The following GRID2 variants were observed in gnomAD, a reference collection of about 807,000 sequenced individuals.
GRID2 encodes the protein glutamate ionotropic receptor delta type subunit 2.
A neutral mutation model predicts 114.8 loss-of-function variants in GRID2; 33 were observed. The observed-to-expected ratio is 0.29, with a 90% CI of 0.22 to 0.38. The LOEUF (loss-of-function observed/expected upper bound fraction) is 0.38, where lower values mean the gene tolerates loss of function less well. Among genes scored for constraint, GRID2 ranks in the 10% least tolerant of loss-of-function variants. GRID2 has a pLI of 1.00. For missense variants in GRID2, 1,184 were observed against 1,257.7 expected (o/e 0.94, Z 0.89); for synonymous variants, 505 against 449.9 (o/e 1.12, Z -1.55).
chr4:93,381,056 A>T (rs932308432), intron 8 of GRID2, among the ~76,000 whole-genome samples: 1 of 152,114 alleles, frequency 6.6e-6, no homozygotes, highest in African/African-American at 2.4e-5. Context: ...TTTAAAAAAA[A>T]TTTTATTGTG....
At chr4:92,654,532 C>A (rs1274002871) in intron 2 of GRID2, among the ~76,000 whole-genome samples, 3 of 151,894 alleles carry the variant, frequency 2.0e-5, no homozygotes, top group Non-Finnish European at 2.9e-5. Context: ...CAATTTGAGT[C>A]AATAAGAGTT....
At chr4:93,450,928 C>A (rs1722628673) in intron 10 of GRID2, among the ~76,000 whole-genome samples, 1 of 151,732 alleles carries the variant, frequency 6.6e-6, no homozygotes, top group Non-Finnish European at 1.5e-5. Context: ...CATAATTATT[C>A]AGGATATTAA....
intron 10 of GRID2, among the ~76,000 whole-genome samples, chr4:93,444,501 C>T (rs529082751): frequency 2.4e-4 from 37 of 151,938 alleles, no homozygotes; most frequent in African/African-American, 8.9e-4. Context: ...TTTTGAGAAA[C>T]ATCAGTGTGG....
At chr4:93,367,442 A>G (rs1762450732) in intron 8 of GRID2, among the ~76,000 whole-genome samples, 1 of 152,118 alleles carries the variant, frequency 6.6e-6, no homozygotes, top group South Asian at 2.1e-4. Context: ...TTTAAATGTA[A>G]TTAATTTTGT....
At chr4:93,147,069 A>C (rs944104486) in intron 4 of GRID2, among the ~76,000 whole-genome samples, 2 of 152,190 alleles carry the variant, frequency 1.3e-5, no homozygotes, top group Non-Finnish European at 2.9e-5. Flanking sequence ...TTAACATTTT[A>C]CTGTAATGAA....
At chr4:92,365,577 A>C (rs937666462) in intron 1 of GRID2, among the ~76,000 whole-genome samples, 18 of 152,120 alleles carry the variant, frequency 1.2e-4, no homozygotes, top group Admixed American at 1.1e-3. Context: ...AAAATTTGAA[A>C]TCTATTCCAC....
chr4:92,587,117 T>G (rs1233851732), intron 1 of GRID2, among the ~76,000 whole-genome samples: 2 of 151,004 alleles, frequency 1.3e-5, no homozygotes, highest in Non-Finnish European at 3.0e-5. Context: ...TGTGTGTGTG[T>G]GTGTGTGTGT....
At chr4:92,790,724 GAAA>G (rs148843080) in intron 2 of GRID2, among the ~76,000 whole-genome samples, 2 of 99,402 alleles carry the variant, frequency 2.0e-5, no homozygotes, top group Admixed American at 1.0e-4. Flanking sequence ...AGCTTTTTAA[GAAA>G]AAAAAAAAAA....
At chr4:92,761,929 T>TTTTG (rs372258125) in intron 2 of GRID2, among the ~76,000 whole-genome samples, 2 of 152,218 alleles carry the variant, frequency 1.3e-5, no homozygotes, top group Admixed American at 6.5e-5. Context: ...TGTTTTTTAT[T>TTTTG]TTTGTTTGTT....
At position 92,634,881 on chromosome 4, in the gene GRID2, G is replaced by GAGAA. The variant is rs1730995430; in HGVS notation, c.244+44598_244+44599insAAGA. On this transcript the variant is annotated intron_variant, in intron 2 of 15. Transcript: ENST00000282020. ...AGACAGAGAGAGAGAGAGAGAGAAAGAGAGAGAGAGAGAGAGAAATTGAGA... is the reference window on the plus strand; with the variant it reads ...AGACAGAGAGAGAGAGAGAGAGAAAGAGAAAGAGAGAGAGAGAGAGAAATTGAGA... 2.7e-5 allele frequency among the ~76,000 whole-genome samples: 4 copies of GAGAA among 149,584 alleles called. No individual in the cohort carries two copies. In the Admixed American group the frequency reaches 2.7e-4, roughly 10 times the overall value.
intron 2 of GRID2, among the ~76,000 whole-genome samples, chr4:92,867,390 G>C (rs1441013095): frequency 6.6e-6 from 1 of 152,016 alleles, no homozygotes; most frequent in Non-Finnish European, 1.5e-5. Context: ...ACACCACCAA[G>C]AGCAGTGTGC....
rs115208590 is a variant in GRID2, at chr4:92,927,821, G to A, written c.245-157174G>A. Among the ~76,000 whole-genome samples, 671 of 151,604 alleles carry A rather than the reference G, an allele frequency of 4.4e-3. 6 individuals carry two copies. The highest frequency in any genetic ancestry group is 0.016 in the African/African-American group (647 of 41,398). On this transcript the variant is annotated intron_variant, in intron 2 of 15. Transcript: ENST00000282020. Reference sequence around the variant, plus strand: ...TTTATACAACACTTCTCAATGATGAGGATTAATTGAAAAATCTGAACGATT... The same window carrying A: ...TTTATACAACACTTCTCAATGATGAAGATTAATTGAAAAATCTGAACGATT...
chr4:92,990,303 ATATGTGTGTG>A (rs776000091), intron 2 of GRID2, among the ~76,000 whole-genome samples: 1 of 137,292 alleles, frequency 7.3e-6, no homozygotes, highest in Non-Finnish European at 1.6e-5. Flanking sequence ...ATATATATAT[ATATGTGTGTG>A]TGTGTGTGTG....
rs188206548 is a variant in GRID2 at position 92,616,797 on chromosome 4, A to G, written c.244+26511A>G. On this transcript the variant is annotated intron_variant, in intron 2 of 15. Coordinates refer to ENST00000282020, the MANE Select transcript of GRID2 (RefSeq NM_001510.4). Reference sequence around the variant, plus strand: ...TATATTATAGCATATTAGGTTTGCAATCCTTTGATATTTGTTAATATTTTT... The same window carrying G: ...TATATTATAGCATATTAGGTTTGCAGTCCTTTGATATTTGTTAATATTTTT... Among the ~76,000 whole-genome samples the G allele has an allele frequency of 1.7e-3, 260 of 151,556 alleles. 1 individual carries two copies. Among genetic ancestry groups the G allele is most frequent in the African/African-American group, 6.2e-3 (256 of 41,432 alleles).
chr4:92,475,964 C>G (rs1722289546), intron 1 of GRID2, among the ~76,000 whole-genome samples: 1 of 148,934 alleles, frequency 6.7e-6, no homozygotes, highest in Non-Finnish European at 1.5e-5. Context: ...TCTTAATCTT[C>G]TTTGGATAGT....
chr4:93,293,032 A>T (rs1753911284), intron 8 of GRID2, among the ~76,000 whole-genome samples: 1 of 152,210 alleles, frequency 6.6e-6, no homozygotes, highest in Non-Finnish European at 1.5e-5. Flanking sequence ...CAAGGTGTCA[A>T]ACTATTCATC....
chr4:93,430,211 C>A (rs750606326), intron 10 of GRID2, among the ~76,000 whole-genome samples: 3 of 151,898 alleles, frequency 2.0e-5, no homozygotes, highest in Non-Finnish European at 2.9e-5. Flanking sequence ...GATGGAGTCC[C>A]ACTCTGTTGC....
chr4:92,340,818 C>T (rs181047381), intron 1 of GRID2, among the ~76,000 whole-genome samples: 21 of 152,240 alleles, frequency 1.4e-4, no homozygotes, highest in African/African-American at 4.6e-4. Flanking sequence ...TCTTGTTTAC[C>T]ATGACTGGTA....
At chr4:93,315,097 C>T (rs1175643054) in intron 8 of GRID2, among the ~76,000 whole-genome samples, 2 of 152,074 alleles carry the variant, frequency 1.3e-5, no homozygotes, top group African/African-American at 4.8e-5. Context: ...TACATGGTGG[C>T]ATGTAAGAGA....
Sources: allele counts gnomAD v4.1 joint callset (sites outside exome capture counted in the v4.1 genomes callset), GRCh38; gene constraint gnomAD v4.1.1; transcripts MANE v1.5; gene names NCBI Gene and HGNC (gene_info 2026-07-23, HGNC 2026-07-21).